Variants in KCNJ6 observed in about 807,000 individuals in gnomAD.
KCNJ6 encodes potassium inwardly rectifying channel subfamily J member 6, also known as G protein-activated inward rectifier potassium channel 2.
In KCNJ6, 9 loss-of-function variants were observed where a neutral mutation model predicts 34.2. The observed-to-expected ratio is 0.26, with a 90% CI of 0.16 to 0.46. KCNJ6 has a LOEUF of 0.46. KCNJ6 is among the 20% of genes least tolerant of loss of function. KCNJ6 has a pLI of 1.00. For missense variants in KCNJ6, 236 were observed against 531.3 expected (o/e 0.44, Z 5.46); for synonymous variants, 196 against 207.1 (o/e 0.95, Z 0.46).
intron 1 of KCNJ6, among the ~76,000 whole-genome samples, chr21:37,909,378 T>C (rs1162835361): frequency 6.6e-6 from 1 of 152,098 alleles, no homozygotes; most frequent in African/African-American, 2.4e-5. Flanking sequence ...ACTTTTTTTT[T>C]TTTTTTGGAG....
chr21:37,709,675 C>G (rs941822506), intron 3 of KCNJ6, among the ~76,000 whole-genome samples: 5 of 152,202 alleles, frequency 3.3e-5, no homozygotes, highest in African/African-American at 1.2e-4. Flanking sequence ...TCCTGCCCTG[C>G]TAGTGGCTAT....
At position 37,715,280 on chromosome 21, in the gene KCNJ6, C is replaced by T; in HGVS notation, c.26-149G>A. ...AGACAAAGCCATTTTTATTCCACAC[C>T]ATCTGGATAGGCCTCTAGTTGACTT... On this transcript the variant is annotated intron_variant, in intron 2 of 3. Coordinates refer to ENST00000609713, the MANE Select transcript of KCNJ6 (RefSeq NM_002240.5). The T allele has an allele frequency of 7.3e-6, 5 of 684,838 alleles. No individual in the cohort carries two copies. In the South Asian group the frequency reaches 7.8e-5, roughly 11 times the overall value. 42.4% of individuals were successfully genotyped at this position (684,838 alleles called of 1,614,324 possible).
In KCNJ6 at chr21:37,616,608, T is replaced by TATATATATATATATATATACATAC. The variant is rs1410739814; in HGVS notation, c.*8550_*8551insGTATGTATATATATATATATATAT. On this transcript the variant is annotated 3_prime_UTR_variant, in exon 4 of 4. Coordinates refer to ENST00000609713, the MANE Select transcript of KCNJ6 (RefSeq NM_002240.5). The stretch of plus-strand genomic sequence containing the variant: ...AAATGTACATATATATATATATATA[T>TATATATATATATATATATACATAC]ATATATATGGTTAGACTCTGAACAT... The TATATATATATATATATATACATAC allele has an allele frequency of 7.8e-6, 1 of 127,522 alleles. No individual in the cohort carries two copies. Among genetic ancestry groups the TATATATATATATATATATACATAC allele is most frequent in the Non-Finnish European group, 1.6e-5 (1 of 60,762 alleles). The allele number at this position is 127,522 out of a possible 1,614,324, so 7.9% of individuals were successfully genotyped here. A position where few individuals can be genotyped will look rare whatever the true frequency, so the allele number is the denominator to read the frequency against.
At position 37,621,533 on chromosome 21, in the gene KCNJ6, C is replaced by A. The variant is rs2054289925; in HGVS notation, c.*3626G>T. ...TGCTCTGGAGAATTCAAAATTTAGA[C>A]TATTAAATGAAGTCATGAATAATTT... On this transcript the variant is annotated 3_prime_UTR_variant, in exon 4 of 4. Transcript: ENST00000609713. The A allele has an allele frequency of 6.6e-6, 1 of 152,210 alleles. No individual in the cohort carries two copies. Among genetic ancestry groups the A allele is most frequent in the Non-Finnish European group, 1.5e-5 (1 of 68,038 alleles). The allele number at this position is 152,210 out of a possible 1,614,324, so 9.4% of individuals were successfully genotyped here. A position where few individuals can be genotyped will look rare whatever the true frequency, so the allele number is the denominator to read the frequency against.
chr21:37,891,020 A>G (rs1471644349), intron 1 of KCNJ6, among the ~76,000 whole-genome samples: 2 of 152,188 alleles, frequency 1.3e-5, no homozygotes, highest in Non-Finnish European at 2.9e-5. Flanking sequence ...AGTTAAACAC[A>G]AGGGATCCTG....
At chr21:37,716,440 C>T (rs1441604423) in intron 2 of KCNJ6, among the ~76,000 whole-genome samples, 1 of 150,016 alleles carries the variant, frequency 6.7e-6, no homozygotes, top group Non-Finnish European at 1.5e-5. Context: ...AGTATAGTGG[C>T]ACCATCATAG....
At chr21:37,904,498 T>C (rs991708896) in intron 1 of KCNJ6, among the ~76,000 whole-genome samples, 3 of 152,254 alleles carry the variant, frequency 2.0e-5, no homozygotes, top group Non-Finnish European at 4.4e-5. Context: ...AAAATTATCT[T>C]CACTTACTTA....
Position 37,714,257 on chromosome 21 carries a change from C to T in KCNJ6, c.900G>A (p.Glu300=). Reference sequence around the variant, plus strand: ...CTAGGATGACCACAATTTCCAGTTCCTCTTTGGGCAGCTGGGCTTTGGAGA... The same window carrying T: ...CTAGGATGACCACAATTTCCAGTTCTTCTTTGGGCAGCTGGGCTTTGGAGA... ...WEISKAQLPK[E]ELEIVVILEG... The change falls in exon 3 of 4, where the codon GAG becomes GAA. Residue 300 remains glutamate (E), a synonymous_variant. Coordinates refer to ENST00000609713, the MANE Select transcript of KCNJ6 (RefSeq NM_002240.5). This position sits in a 1 kb window ranked among gnomAD's most constrained non-coding sequence, Gnocchi z 5.9. 6.2e-7 allele frequency: 1 copy of T among 1,614,130 alleles called. No homozygotes were observed. The highest frequency in any genetic ancestry group is 8.5e-7 in the Non-Finnish European group (1 of 1,180,002).
intron 3 of KCNJ6, among the ~76,000 whole-genome samples, chr21:37,680,906 C>T (rs990958683): frequency 1.3e-5 from 2 of 152,250 alleles, no homozygotes; most frequent in Non-Finnish European, 2.9e-5. Flanking sequence ...TACATACACA[C>T]TGTATAGAAT....
At position 37,621,343 on chromosome 21, in the gene KCNJ6, AATAGC is replaced by A. The variant is rs2123358011; in HGVS notation, c.*3811_*3815del. On this transcript the variant is annotated 3_prime_UTR_variant, in exon 4 of 4. Transcript: ENST00000609713. ...TTCTGGTGAGTTCAGGTAGTTTTCT[AATAGC>A]ATTCTTATGCCCCCTTTCTCTGTCC... 6.6e-6 allele frequency: 1 copy of A among 152,330 alleles called. No individual in the cohort carries two copies. The highest frequency in any genetic ancestry group is 2.1e-4 in the South Asian group (1 of 4,828). 9.4% of individuals were successfully genotyped at this position (152,330 alleles called of 1,614,324 possible).
chr21:37,802,808 A>C (rs2055275463), intron 2 of KCNJ6, among the ~76,000 whole-genome samples: 1 of 152,196 alleles, frequency 6.6e-6, no homozygotes, highest in Non-Finnish European at 1.5e-5. Flanking sequence ...GTCACGTGAG[A>C]CCATGGGCAA....
intron 3 of KCNJ6, among the ~76,000 whole-genome samples, chr21:37,684,254 C>T (rs530152843): frequency 2.6e-5 from 4 of 152,204 alleles, no homozygotes; most frequent in African/African-American, 4.8e-5. Flanking sequence ...TAGTTGCTGG[C>T]GATCTTTGGC....
intron 3 of KCNJ6, among the ~76,000 whole-genome samples, chr21:37,656,147 C>A (rs1414676780): frequency 6.6e-6 from 1 of 152,178 alleles, no homozygotes; most frequent in Non-Finnish European, 1.5e-5. Flanking sequence ...AATGATACAC[C>A]CCTGCTCCAC....
chr21:37,857,053 T>C (rs1452086152), intron 1 of KCNJ6, among the ~76,000 whole-genome samples: 1 of 152,180 alleles, frequency 6.6e-6, no homozygotes, highest in Non-Finnish European at 1.5e-5. Flanking sequence ...CGGATAAAAG[T>C]AAATAATATG....
intron 2 of KCNJ6, among the ~76,000 whole-genome samples, chr21:37,755,393 G>T (rs1568835770): frequency 6.6e-6 from 1 of 152,188 alleles, no homozygotes; most frequent in African/African-American, 2.4e-5. Flanking sequence ...TCTTTCCTGA[G>T]ACTTTCTTTG....
At chr21:37,787,882 C>T (rs1031359591) in intron 2 of KCNJ6, among the ~76,000 whole-genome samples, 1 of 152,144 alleles carries the variant, frequency 6.6e-6, no homozygotes, top group Non-Finnish European at 1.5e-5. Flanking sequence ...GTCATGGTTC[C>T]ATCAGTAGTG....
chr21:37,877,078 C>A (rs1222203293), intron 1 of KCNJ6, among the ~76,000 whole-genome samples: 1 of 152,122 alleles, frequency 6.6e-6, no homozygotes, highest in African/African-American at 2.4e-5. Context: ...GTTTTTTGTA[C>A]CTGGATGTCA....
chr21:37,668,810 T>A (rs181212074), intron 3 of KCNJ6, among the ~76,000 whole-genome samples: 2 of 152,340 alleles, frequency 1.3e-5, no homozygotes, highest in African/African-American at 4.8e-5. Flanking sequence ...GACTCTAGTA[T>A]AACATCACAT....
chr21:37,779,473 C>A (rs919707604), intron 2 of KCNJ6, among the ~76,000 whole-genome samples: 1 of 152,134 alleles, frequency 6.6e-6, no homozygotes, highest in Admixed American at 6.5e-5. Context: ...CCAATTATTA[C>A]CCCTAACCTG....
Sources: gnomAD v4.1 joint callset for allele counts (sites outside exome capture counted in the v4.1 genomes callset) on GRCh38, gnomAD v4.1.1 for gene constraint, Gnocchi (gnomAD v3.1) non-coding constraint, MANE v1.5 for transcripts, NCBI Gene and HGNC (gene_info 2026-07-23, HGNC 2026-07-21) for gene names.